Variants in IGDCC4 observed in about 807,000 individuals in gnomAD.
IGDCC4 encodes the protein immunoglobulin superfamily DCC subclass member 4.
In IGDCC4, 72 loss-of-function variants were observed where a neutral mutation model predicts 116.6. That is an observed-to-expected ratio of 0.62 (90% CI 0.51 to 0.75). IGDCC4 has a LOEUF of 0.75. Among genes scored for constraint, IGDCC4 ranks in the 30% least tolerant of loss-of-function variants. IGDCC4 has a pLI of 0.00. For missense variants in IGDCC4, 1,501 were observed against 1,662.4 expected (o/e 0.90, Z 1.69); for synonymous variants, 709 against 719.9 (o/e 0.98, Z 0.24).
intron 18 of IGDCC4, 147 bp from the exon 19 acceptor site, chr15:65,385,262 A>T (rs2091444002): frequency 1.2e-6 from 1 of 861,956 alleles, no homozygotes. Flanking sequence ...GGCTCTGGGG[A>T]GGAGCATCGA....
chr15:65,400,665 A>C, intron 5 of IGDCC4, 141 bp downstream of exon 5: 1 of 1,023,872 alleles, frequency 9.8e-7, no homozygotes, highest in Non-Finnish European at 1.4e-6. Context: ...CACCACACCC[A>C]GCCCTGGGAA....
chr15:65,414,120 T>G (rs1212609136), intron 1 of IGDCC4, among the ~76,000 whole-genome samples: 1 of 152,020 alleles, frequency 6.6e-6, no homozygotes, highest in African/African-American at 2.4e-5. Context: ...GCCCTGTGAG[T>G]CTCCAGACTC....
Position 65,396,075 on chromosome 15 carries a change from C to T in IGDCC4, c.1086G>A (p.Pro362=). The T allele has an allele frequency of 7.2e-7, 1 of 1,385,748 alleles. No individual in the cohort carries two copies. Among genetic ancestry groups the T allele is most frequent in the Non-Finnish European group, 9.3e-7 (1 of 1,077,628 alleles). 85.8% of individuals were successfully genotyped at this position (1,385,748 alleles called of 1,614,324 possible). ...ARFVCRASGE[P]RPALRWLHNG... ...TGTGCAGCCAGCGCAGCGCTGGCCG[C>T]GGCTCCCCCGACGCGCGGCACACGA... Residue 362 remains proline, a synonymous_variant, in exon 7 of 20, where the codon CCG becomes CCA. Transcript: ENST00000352385.
rs763870347 is a variant in IGDCC4, at chr15:65,411,126, G to C, written c.315C>G (p.Asp105Glu). ...CCCCCACAGCCTCAGGGACTGACTC[G>C]TCACTGCCATTGGGTGCTAGTGGCT... ...LSQPLAPNGS[D>E]ESVPEAVGVI... Residue 105 changes from aspartate to glutamate, a missense_variant, in exon 2 of 20, where the codon GAC becomes GAG. This residue lies in a region of IGDCC4 where 898 missense variants were observed against 978.9 expected (regional missense o/e 0.92). Coordinates refer to ENST00000352385, the MANE Select transcript of IGDCC4 (RefSeq NM_020962.3). 1 of 1,614,174 alleles carries C rather than the reference G, an allele frequency of 6.2e-7. No individual in the cohort carries two copies.
intron 15 of IGDCC4, 101 bp from the exon 16 acceptor site, chr15:65,388,687 CA>C (rs2091484637): frequency 6.3e-7 from 1 of 1,593,682 alleles, no homozygotes. Flanking sequence ...TCCACTTAGG[CA>C]GCAGCTTCTG....
intron 1 of IGDCC4, 139 bp from the exon 2 acceptor site, chr15:65,411,509 A>C: frequency 1.5e-6 from 1 of 666,274 alleles, no homozygotes; most frequent in Non-Finnish European, 2.4e-6. Context: ...CCCCTTACTA[A>C]CTGTGACCTT....
At chr15:65,394,119 G>A (rs573002957) in intron 9 of IGDCC4, among the ~76,000 whole-genome samples, 19 of 152,214 alleles carry the variant, frequency 1.2e-4, no homozygotes, top group African/African-American at 3.9e-4. Flanking sequence ...TCCCACCTCA[G>A]CCCCCCATTT....
intron 4 of IGDCC4, among the ~76,000 whole-genome samples, chr15:65,401,827 A>G (rs893173876): frequency 4.6e-5 from 7 of 152,176 alleles, no homozygotes; most frequent in Non-Finnish European, 1.0e-4. Context: ...GGTCTTTCCA[A>G]CCCCAAAGAC....
rs1188253738 is a variant in IGDCC4, at chr15:65,384,318, G to C, written c.3444C>G (p.Leu1148=). The stretch of plus-strand genomic sequence containing the variant: ...CCTCAGGCTCCAGGTCTTGGAGATG[G>C]AGGTCAGGGTTCCCGTTAGATGCAC... ...DFSASNGNPD[L]HLQDLEPEDP... The change falls in exon 20 of 20, where the codon CTC becomes CTG. Residue 1148 remains leucine (L), a synonymous_variant. Transcript: ENST00000352385. This position sits in a 1 kb window ranked among gnomAD's most constrained non-coding sequence, Gnocchi z 4.9. The C allele has an allele frequency of 6.2e-7, 1 of 1,606,318 alleles. No individual in the cohort carries two copies. The highest frequency in any genetic ancestry group is 8.5e-7 in the Non-Finnish European group (1 of 1,176,244).
At chr15:65,395,351 T>TGAACATGTACAACATTTGCA in intron 7 of IGDCC4, 93 bp from the exon 8 acceptor site, 1 of 1,281,044 alleles carries the variant, frequency 7.8e-7, no homozygotes, top group Non-Finnish European at 1.1e-6. Context: ...ATTGTCCTGG[T>TGAACATGTACAACATTTGCA]GTCTATTTAT....
chr15:65,388,147 G>C (rs756611219), intron 16 of IGDCC4, among the ~76,000 whole-genome samples: 11 of 151,938 alleles, frequency 7.2e-5, no homozygotes, highest in Non-Finnish European at 1.6e-4. Context: ...GGGAGGCTGA[G>C]GCAGCAGAAT....
At chr15:65,385,682 A>ACCATTCCG in intron 18 of IGDCC4, 149 bp downstream of exon 18, 1 of 738,230 alleles carries the variant, frequency 1.4e-6, no homozygotes, top group Non-Finnish European at 2.4e-6. Flanking sequence ...CTGACAGCCA[A>ACCATTCCG]CCATTCCGTG....
chr15:65,407,386 A>G (rs1595790128), intron 3 of IGDCC4, among the ~76,000 whole-genome samples: 1 of 152,200 alleles, frequency 6.6e-6, no homozygotes, highest in South Asian at 2.1e-4. Context: ...TCTGTCACCC[A>G]GGCTGGAGTG....
chr15:65,401,566 G>A (rs2062986399), intron 4 of IGDCC4, among the ~76,000 whole-genome samples: 1 of 151,442 alleles, frequency 6.6e-6, no homozygotes, highest in Non-Finnish European at 1.5e-5. Flanking sequence ...TACCAGCTAA[G>A]CCCAGAAGGA....
At chr15:65,397,063 A>G in intron 5 of IGDCC4, 74 bp from the exon 6 acceptor site, 4 of 1,510,186 alleles carry the variant, frequency 2.6e-6, no homozygotes, top group Non-Finnish European at 3.6e-6. Context: ...GAACCTCAGG[A>G]ACACTCTGCA....
chr15:65,386,662 G>T lies in IGDCC4; in HGVS notation c.2846-6C>A, dbSNP rs1432341491. ...TGAGTGCATGTCCAGCGAGTCTGGT[G>T]GGGGAGAGAGAGGCACAGAGCAGGT... On this transcript the variant is annotated splice_region_variant and splice_polypyrimidine_tract_variant and intron_variant, in intron 16 of 19. Coordinates refer to ENST00000352385, the MANE Select transcript of IGDCC4 (RefSeq NM_020962.3). 1.2e-6 allele frequency: 2 copies of T among 1,606,002 alleles called. No individual in the cohort carries two copies. The highest frequency in any genetic ancestry group is 1.3e-5 in the African/African-American group (1 of 74,886).
rs2091486373 is a variant in IGDCC4 at position 65,388,864 on chromosome 15, A to G, written c.2651T>C (p.Leu884Pro). 1 of 1,614,078 alleles carries G rather than the reference A, an allele frequency of 6.2e-7. No individual in the cohort carries two copies. Among genetic ancestry groups the G allele is most frequent in the East Asian group, 2.2e-5 (1 of 44,880 alleles). Residue 884 changes from leucine to proline, a missense_variant, in exon 15 of 20, where the codon CTG (leucine) becomes CCG (proline). Coordinates refer to ENST00000352385, the MANE Select transcript of IGDCC4 (RefSeq NM_020962.3). ...PNGEIVEYLI[L>P]YSSNHTQPEH... ...AGGCTGCGTGTGGTTGCTGCTGTACAGGATCAGATACTCCACGATCTCCCC... is the reference window on the plus strand; with the variant it reads ...AGGCTGCGTGTGGTTGCTGCTGTACGGGATCAGATACTCCACGATCTCCCC...
At chr15:65,400,298 C>A (rs1465512125) in intron 5 of IGDCC4, among the ~76,000 whole-genome samples, 1 of 152,236 alleles carries the variant, frequency 6.6e-6, no homozygotes, top group African/African-American at 2.4e-5. Context: ...AGGGCAGGGT[C>A]CCTGCCTCTC....
In IGDCC4 at chr15:65,393,189, G is replaced by T. The variant is rs577999972; in HGVS notation, c.1885+172C>A. Among the ~76,000 whole-genome samples, 1 of 152,240 alleles carries T rather than the reference G, an allele frequency of 6.6e-6. No homozygotes were observed. Among genetic ancestry groups the T allele is most frequent in the East Asian group, 1.9e-4 (1 of 5,174 alleles). The stretch of plus-strand genomic sequence containing the variant: ...CACACAGCAAATCGAAGGGACACCA[G>T]ATCCCAGCCCTTCACCTCTGCACCT... On this transcript the variant is annotated intron_variant, in intron 10 of 19. Transcript: ENST00000352385. This position sits in a 1 kb window ranked among gnomAD's most constrained non-coding sequence, Gnocchi z 4.6.
Sources: allele counts gnomAD v4.1 joint callset (sites outside exome capture counted in the v4.1 genomes callset), GRCh38; gene constraint gnomAD v4.1.1; regional missense constraint gnomAD v4.1.1; non-coding constraint Gnocchi (gnomAD v3.1); transcripts MANE v1.5; gene names NCBI Gene and HGNC (gene_info 2026-07-23, HGNC 2026-07-21).